VEZF1: variants seen among roughly 807,000 people sequenced by gnomAD.
VEZF1 encodes vascular endothelial zinc finger 1.
VEZF1 carries 5 observed loss-of-function variants against 44.1 expected under a neutral mutation model. That is an observed-to-expected ratio of 0.11 (90% CI 0.06 to 0.24). VEZF1 has a LOEUF of 0.24. VEZF1 is among the 10% of genes least tolerant of loss of function. The probability of loss-of-function intolerance (pLI) is 1.00; values close to 1 mark genes in which losing one functional copy is unlikely to be tolerated. For synonymous variants in VEZF1, 236 were observed against 233.1 expected, an observed-to-expected ratio of 1.01 and a Z score of -0.11; for missense variants, 358 against 641.8, an observed-to-expected ratio of 0.56 and a Z score of 4.78.
In VEZF1 at chr17:57,982,567, T is replaced by C. The variant is rs537555828; in HGVS notation, c.728+132A>G. ...ACCTGGAGGTGTTAATACTTATCTATCACCAATCTCCTCTAATAACACAGG... is the reference window on the plus strand; with the variant it reads ...ACCTGGAGGTGTTAATACTTATCTACCACCAATCTCCTCTAATAACACAGG... On this transcript the variant is annotated intron_variant, in intron 2 of 5. Transcript: ENST00000581208. 3.5e-4 allele frequency: 297 copies of C among 845,102 alleles called. 2 individuals are homozygous for C. The Middle Eastern group carries it at 3.9e-3, about 11-fold the overall frequency. 52.4% of individuals were successfully genotyped at this position (845,102 alleles called of 1,614,324 possible).
At chr17:57,986,536 G>A (rs2075295367) in intron 1 of VEZF1, among the ~76,000 whole-genome samples, 1 of 152,026 alleles carries the variant, frequency 6.6e-6, no homozygotes, top group Non-Finnish European at 1.5e-5. Flanking sequence ...GCTCATCAAA[G>A]TACAATAAAA....
At chr17:57,976,420 A>C (rs979531051) in intron 5 of VEZF1, among the ~76,000 whole-genome samples, 1 of 149,712 alleles carries the variant, frequency 6.7e-6, no homozygotes, top group Non-Finnish European at 1.5e-5. Context: ...ACAAACAAAC[A>C]AAAAAAACCC....
At position 57,979,243 on chromosome 17, in the gene VEZF1, T is replaced by TTGTTGTTGCTGCTGCTGC; in HGVS notation, c.1046_1047insGCAGCAGCAGCAACAACA (p.Gln349_Gln354dup). 1 of 1,596,956 alleles carries TTGTTGTTGCTGCTGCTGC rather than the reference T, an allele frequency of 6.3e-7. No homozygotes were observed. The highest frequency in any genetic ancestry group is 8.6e-7 in the Non-Finnish European group (1 of 1,168,838). On this transcript the variant is annotated inframe_insertion, in exon 5 of 6. Coordinates refer to ENST00000581208, the MANE Select transcript of VEZF1 (RefSeq NM_007146.3). ...TTGTCACATGTTGTTGTTGTTGTTG[T>TTGTTGTTGCTGCTGCTGC]TGCTGCTGCTGCTGCTGCTGCTGCT...
chr17:57,975,153 T>C (rs1028153637), intron 5 of VEZF1, among the ~76,000 whole-genome samples: 1 of 152,244 alleles, frequency 6.6e-6, no homozygotes, highest in South Asian at 2.1e-4. Flanking sequence ...CCTTGCACTT[T>C]AGGTTTCAAG....
chr17:57,977,063 C>T (rs553384533), intron 5 of VEZF1, among the ~76,000 whole-genome samples: 39 of 152,320 alleles, frequency 2.6e-4, no homozygotes, highest in African/African-American at 8.9e-4. Flanking sequence ...CACAGCACTA[C>T]ACTTTTTCCT....
chr17:57,987,476 G>A (rs962222537), intron 1 of VEZF1, among the ~76,000 whole-genome samples: 1 of 152,258 alleles, frequency 6.6e-6, no homozygotes, highest in Admixed American at 6.5e-5. Flanking sequence ...AACACGAGAG[G>A]GGTGGTGGCG....
intron 4 of VEZF1, 150 bp from the exon 5 acceptor site, chr17:57,979,463 G>T: frequency 8.7e-7 from 1 of 1,148,394 alleles, no homozygotes; most frequent in Non-Finnish European, 1.2e-6. Context: ...TGTCTATATT[G>T]GTCAAAATAA....
intron 5 of VEZF1, among the ~76,000 whole-genome samples, chr17:57,978,450 T>C (rs754755693): frequency 1.3e-5 from 2 of 152,240 alleles, no homozygotes; most frequent in African/African-American, 2.4e-5. Flanking sequence ...GGCTGCACAA[T>C]AGTCCAGAAG....
intron 3 of VEZF1, among the ~76,000 whole-genome samples, chr17:57,981,379 T>C (rs1283762760): frequency 1.3e-5 from 2 of 152,236 alleles, no homozygotes; most frequent in Non-Finnish European, 2.9e-5. Flanking sequence ...TTTTCGTTAT[T>C]ATAATTGATG....
In VEZF1 at chr17:57,974,674, G is replaced by A; in HGVS notation, c.1365C>T (p.Thr455=). 1 of 1,614,112 alleles carries A rather than the reference G, an allele frequency of 6.2e-7. No homozygotes were observed. The highest frequency in any genetic ancestry group is 8.5e-7 in the Non-Finnish European group (1 of 1,180,024). Reference sequence around the variant, plus strand: ...CTGGGGTAGTGAGTGTTAAAGGAGAGGTCATGGATAATGGACTGGTTATAG... The same window carrying A: ...CTGGGGTAGTGAGTGTTAAAGGAGAAGTCATGGATAATGGACTGGTTATAG... ...PVTITSPLSM[T]SPLTLTTPVN... is the part of the protein sequence containing the mutation. Residue 455 remains threonine, a synonymous_variant, in exon 6 of 6, where the codon ACC becomes ACT. Coordinates refer to ENST00000581208, the MANE Select transcript of VEZF1 (RefSeq NM_007146.3).
chr17:57,985,130 A>T, intron 1 of VEZF1: 1 of 559,870 alleles, frequency 1.8e-6, no homozygotes, highest in Non-Finnish European at 2.7e-6. Flanking sequence ...ATACAATTTC[A>T]AAGGCTAACA....
At chr17:57,978,934 A>C (rs1174760089) in intron 5 of VEZF1, among the ~76,000 whole-genome samples, 7 of 152,336 alleles carry the variant, frequency 4.6e-5, no homozygotes, top group African/African-American at 1.7e-4. Context: ...AAAGAACATG[A>C]TAGGAAGTAC....
chr17:57,980,830 T>C, intron 3 of VEZF1, 44 bp from the exon 4 acceptor site: 1 of 1,594,964 alleles, frequency 6.3e-7, no homozygotes, highest in Middle Eastern at 1.7e-4. Flanking sequence ...GACTATCCTG[T>C]TCTACTCATT....
At chr17:57,985,467 TG>T in intron 1 of VEZF1, 3 of 1,216,084 alleles carry the variant, frequency 2.5e-6, no homozygotes, top group Non-Finnish European at 3.1e-6. Context: ...ACTTCTTCTC[TG>T]GGGGAGAGAC....
intron 1 of VEZF1, 148 bp from the exon 2 acceptor site, chr17:57,983,541 C>CT: frequency 1.4e-6 from 1 of 703,332 alleles, no homozygotes; most frequent in South Asian, 1.9e-5. Context: ...CCTAGTTACT[C>CT]TAAGAGCTCA....
Position 57,972,899 on chromosome 17 carries a change from AT to A in VEZF1, c.*1573del, listed in dbSNP as rs2143305769. 1 of 152,746 alleles carries A rather than the reference AT, an allele frequency of 6.5e-6. No homozygotes were observed. The highest frequency in any genetic ancestry group is 2.1e-4 in the South Asian group (1 of 4,828). 9.5% of individuals were successfully genotyped at this position (152,746 alleles called of 1,614,324 possible). A position where few individuals can be genotyped will look rare whatever the true frequency, so the allele number is the denominator to read the frequency against. ...AGGAAGTCTGTCTCAGATGCAAGGT[AT>A]TTTGATGCTTGAACTGACACAGTAG... On this transcript the variant is annotated 3_prime_UTR_variant, in exon 6 of 6. Transcript: ENST00000581208.
Position 57,982,660 on chromosome 17 carries a change from C to T in VEZF1, c.728+39G>A, listed in dbSNP as rs370820109. On this transcript the variant is annotated intron_variant, in intron 2 of 5. Coordinates refer to ENST00000581208, the MANE Select transcript of VEZF1 (RefSeq NM_007146.3). Reference sequence around the variant, plus strand: ...GAGACAAAACTGAAGTACACTGATACCATAATGAAGCAAAGCAAAGCAAAG... The same window carrying T: ...GAGACAAAACTGAAGTACACTGATATCATAATGAAGCAAAGCAAAGCAAAG... 760 of 1,514,132 alleles carry T rather than the reference C, an allele frequency of 5.0e-4. 2 individuals are homozygous for T. Among genetic ancestry groups the T allele is most frequent in the Non-Finnish European group, 6.2e-4 (693 of 1,114,672 alleles). 93.8% of individuals were successfully genotyped at this position (1,514,132 alleles called of 1,614,324 possible). A position where few individuals can be genotyped will look rare whatever the true frequency, so the allele number is the denominator to read the frequency against.
chr17:57,986,620 C>T (rs950454384), intron 1 of VEZF1, among the ~76,000 whole-genome samples: 5 of 152,086 alleles, frequency 3.3e-5, no homozygotes, highest in African/African-American at 1.2e-4. Flanking sequence ...TTTTAAGAAG[C>T]CCAAATATAT....
chr17:57,974,265 G>C lies in VEZF1; in HGVS notation c.*208C>G. 1 of 596,256 alleles carries C rather than the reference G, an allele frequency of 1.7e-6. No homozygotes were observed. Among genetic ancestry groups the C allele is most frequent in the Non-Finnish European group, 2.9e-6 (1 of 347,830 alleles). 36.9% of individuals were successfully genotyped at this position (596,256 alleles called of 1,614,324 possible). Reference sequence around the variant, plus strand: ...ATGTTGTCAGCTAAAAGGAATTTCTGATTAAACTAAAGTGGTCCAGTGATA... The same window carrying C: ...ATGTTGTCAGCTAAAAGGAATTTCTCATTAAACTAAAGTGGTCCAGTGATA... On this transcript the variant is annotated 3_prime_UTR_variant, in exon 6 of 6. Transcript: ENST00000581208.
Sources: gnomAD v4.1 joint callset for allele counts (sites outside exome capture counted in the v4.1 genomes callset) on GRCh38, gnomAD v4.1.1 for gene constraint, MANE v1.5 for transcripts, NCBI Gene and HGNC (gene_info 2026-07-23, HGNC 2026-07-21) for gene names.